PSD3: variants seen among roughly 807,000 people sequenced by gnomAD.
PSD3 encodes the protein PH and SEC7 domain-containing protein 3.
A neutral mutation model predicts 105.5 loss-of-function variants in PSD3; 49 were observed. The observed-to-expected ratio is 0.46, with a 90% CI of 0.37 to 0.59. PSD3 has a LOEUF of 0.59. Ranked by LOEUF, PSD3 falls within the 20% of genes least tolerant of loss-of-function variation. The pLI, the probability that PSD3 is intolerant of heterozygous loss-of-function variation, is 0.00. For missense variants in PSD3, 1,561 were observed against 1,263.8 expected (o/e 1.24, Z -3.57); for synonymous variants, 557 against 457.8 (o/e 1.22, Z -2.77).
intron 2 of PSD3, among the ~76,000 whole-genome samples, chr8:18,897,157 C>T (rs1819206555): frequency 6.6e-6 from 1 of 152,044 alleles, no homozygotes; most frequent in South Asian, 2.1e-4. Context: ...GATATAATAT[C>T]TCATTATGGT....
chr8:18,568,281 C>A (rs757245317), intron 14 of PSD3, among the ~76,000 whole-genome samples: 2 of 149,348 alleles, frequency 1.3e-5, no homozygotes, highest in Non-Finnish European at 3.0e-5. Flanking sequence ...CTTCATGGAA[C>A]CTTTTCCCCC....
At chr8:19,043,399 C>T (rs144173675) in intron 1 of PSD3, among the ~76,000 whole-genome samples, 1 of 152,328 alleles carries the variant, frequency 6.6e-6, no homozygotes, top group African/African-American at 2.4e-5. Context: ...GCTGCAGTTT[C>T]TGTACAGTTG....
intron 4 of PSD3, among the ~76,000 whole-genome samples, chr8:18,818,757 T>C (rs1038253976): frequency 2.1e-4 from 32 of 152,130 alleles, no homozygotes; most frequent in African/African-American, 7.2e-4. Flanking sequence ...AGAAAAACAT[T>C]GCATTTTCTG....
At chr8:18,697,865 T>C (rs1220150380) in intron 9 of PSD3, among the ~76,000 whole-genome samples, 1 of 152,232 alleles carries the variant, frequency 6.6e-6, no homozygotes, top group Non-Finnish European at 1.5e-5. Context: ...CAAAAATCCA[T>C]TTCATCGTTG....
chr8:18,653,533 G>A (rs1808675298), intron 10 of PSD3, among the ~76,000 whole-genome samples: 1 of 152,106 alleles, frequency 6.6e-6, no homozygotes. Flanking sequence ...GAGGACTACA[G>A]GTTAACTTGG....
chr8:18,835,304 A>G (rs1047044801), intron 4 of PSD3, among the ~76,000 whole-genome samples: 3 of 151,980 alleles, frequency 2.0e-5, no homozygotes, highest in African/African-American at 4.8e-5. Context: ...AATTTACAAC[A>G]TATCACTGTT....
chr8:18,880,231 A>AT (rs1311483504), intron 2 of PSD3, among the ~76,000 whole-genome samples: 46 of 152,286 alleles, frequency 3.0e-4, no homozygotes, highest in Non-Finnish European at 6.0e-4. Context: ...TTGTTTTAAG[A>AT]TTTTTTAAGC....
At chr8:18,600,276 A>G (rs1804339751) in intron 12 of PSD3, 88 bp downstream of exon 12, 1 of 1,192,292 alleles carries the variant, frequency 8.4e-7, no homozygotes, top group Non-Finnish European at 1.2e-6. Context: ...GAAACCACAG[A>G]TAAGGGAGAC....
chr8:18,692,627 T>C (rs903707191), intron 9 of PSD3, among the ~76,000 whole-genome samples: 3 of 152,146 alleles, frequency 2.0e-5, no homozygotes, highest in Non-Finnish European at 2.9e-5. Flanking sequence ...TGAAAAGCTA[T>C]CAAAGGGACT....
At chr8:19,005,899 G>A (rs1030164648) in intron 1 of PSD3, among the ~76,000 whole-genome samples, 6 of 151,822 alleles carry the variant, frequency 4.0e-5, no homozygotes, top group Non-Finnish European at 5.9e-5. Flanking sequence ...TGGGTGAATC[G>A]TATAGTATGT....
chr8:18,784,096 G>A (rs1461878816), intron 8 of PSD3, among the ~76,000 whole-genome samples: 3 of 151,774 alleles, frequency 2.0e-5, no homozygotes, highest in African/African-American at 4.8e-5. Context: ...ATCCCTTTTT[G>A]CGAATTTTGT....
chr8:18,875,817 G>A lies in PSD3; in HGVS notation c.131-3084C>T, dbSNP rs563458327. On this transcript the variant is annotated intron_variant, in intron 2 of 15. Transcript: ENST00000327040. ...CTCCCAAAGTGCTGGGATTACAGGC[G>A]TGAGCCATGGCGCCTGGCCATTCCA... Among the ~76,000 whole-genome samples, 7 of 152,228 alleles carry A rather than the reference G, an allele frequency of 4.6e-5. No individual in the cohort carries two copies. The South Asian group carries it at 1.0e-3, about 23-fold the overall frequency.
chr8:19,061,878 C>G (rs972208833), intron 1 of PSD3, among the ~76,000 whole-genome samples: 16 of 151,964 alleles, frequency 1.1e-4, no homozygotes, highest in African/African-American at 3.9e-4. Flanking sequence ...CCTTCTTCTT[C>G]TTATCCTTAT....
intron 9 of PSD3, among the ~76,000 whole-genome samples, chr8:18,738,395 G>A (rs956709193): frequency 1.3e-5 from 2 of 152,082 alleles, no homozygotes; most frequent in African/African-American, 2.4e-5. Flanking sequence ...GGGTGACTTC[G>A]AATTACAATG....
chr8:18,535,615 AG>A lies in PSD3; in HGVS notation c.*127del, dbSNP rs1385458595. 1 of 772,236 alleles carries A rather than the reference AG, an allele frequency of 1.3e-6. No homozygotes were observed. The highest frequency in any genetic ancestry group is 2.6e-5 in the East Asian group (1 of 38,750). The allele number at this position is 772,236 out of a possible 1,614,324, so 47.8% of individuals were successfully genotyped here. A position where few individuals can be genotyped will look rare whatever the true frequency, so the allele number is the denominator to read the frequency against. On this transcript the variant is annotated 3_prime_UTR_variant, in exon 16 of 16. Transcript: ENST00000327040. The stretch of plus-strand genomic sequence containing the variant: ...ACAGAAACTAACAAAAATATACAAT[AG>A]AAAAAATTACTAATGCACCGTTTTG...
At chr8:18,880,008 A>G (rs983508733) in intron 2 of PSD3, among the ~76,000 whole-genome samples, 12 of 152,126 alleles carry the variant, frequency 7.9e-5, no homozygotes, top group Non-Finnish European at 1.6e-4. Flanking sequence ...TCATGTCCCT[A>G]AGGATTCAGC....
chr8:19,012,753 T>C (rs1443943737), intron 1 of PSD3, among the ~76,000 whole-genome samples: 3 of 152,124 alleles, frequency 2.0e-5, no homozygotes, highest in Non-Finnish European at 4.4e-5. Flanking sequence ...GAATCCCACT[T>C]ACAGTAATTT....
intron 9 of PSD3, among the ~76,000 whole-genome samples, chr8:18,726,268 T>C (rs796426681): frequency 4.6e-5 from 7 of 152,324 alleles, no homozygotes; most frequent in African/African-American, 1.7e-4. Flanking sequence ...GCTAGTGAGA[T>C]ATTGCCAAGT....
chr8:18,888,420 G>T (rs138385681), intron 2 of PSD3, among the ~76,000 whole-genome samples: 2 of 151,804 alleles, frequency 1.3e-5, no homozygotes, highest in East Asian at 3.9e-4. Context: ...TCTGGATTCC[G>T]TCACTTTCCA....
Sources: gnomAD v4.1 joint callset for allele counts (sites outside exome capture counted in the v4.1 genomes callset) on GRCh38, gnomAD v4.1.1 for gene constraint, MANE v1.5 for transcripts, NCBI Gene and HGNC (gene_info 2026-07-23, HGNC 2026-07-21) for gene names.